The following ATP13A1 variants were observed in gnomAD, a reference collection of about 807,000 sequenced individuals.
ATP13A1 encodes endoplasmic reticulum transmembrane helix translocase.
A neutral mutation model predicts 134.8 loss-of-function variants in ATP13A1; 55 were observed. That is an observed-to-expected ratio of 0.41 (90% CI 0.33 to 0.51). The LOEUF is 0.51. ATP13A1 is among the 20% of genes least tolerant of loss of function. The pLI, the probability that ATP13A1 is intolerant of heterozygous loss-of-function variation, is 0.29. For missense variants in ATP13A1, 1,389 were observed against 1,652.8 expected (o/e 0.84, Z 2.77); for synonymous variants, 775 against 725.1 (o/e 1.07, Z -1.10).
chr19:19,645,408 C>G lies in ATP13A1; in HGVS notation c.*14G>C. On this transcript the variant is annotated 3_prime_UTR_variant, in exon 26 of 26. Coordinates refer to ENST00000357324, the MANE Select transcript of ATP13A1 (RefSeq NM_020410.3). This position sits in a 1 kb window ranked among gnomAD's most constrained non-coding sequence, Gnocchi z 4.1. ...CGGCAGCCAGGGTGGGCAGTGGGTA[C>G]CAGCACTGCCATCTCAGGAAGGCAC... is the stretch of plus-strand genomic sequence containing the variant. 1 of 1,583,722 alleles carries G rather than the reference C, an allele frequency of 6.3e-7. No individual in the cohort carries two copies. Among genetic ancestry groups the G allele is most frequent in the South Asian group, 1.1e-5 (1 of 87,162 alleles).
At position 19,655,167 on chromosome 19, in the gene ATP13A1, C is replaced by G; in HGVS notation, c.1607G>C (p.Gly536Ala). 1 of 1,614,016 alleles carries G rather than the reference C, an allele frequency of 6.2e-7. No individual in the cohort carries two copies. The highest frequency in any genetic ancestry group is 8.5e-7 in the Non-Finnish European group (1 of 1,179,900). ...KVEVCCFDKT[G>A]TLTSDSLVVR... is the part of the protein sequence containing the mutation. ...CACCAGGCTGTCACTGGTCAACGTC[C>G]CCGTCTTGTCAAAGCAGCACACCTC... is the stretch of plus-strand genomic sequence containing the variant. Residue 536 changes from glycine (G) to alanine (A), a missense_variant, in exon 12 of 26, where the codon GGG (glycine) becomes GCG (alanine). Physicochemically the swap from Gly to Ala is moderately conservative, Grantham distance 60. This residue lies in a region of ATP13A1 where 747 missense variants were observed against 956.1 expected (regional missense o/e 0.78). Transcript: ENST00000357324. This position sits in a 1 kb window ranked among gnomAD's most constrained non-coding sequence, Gnocchi z 5.7.
At position 19,647,797 on chromosome 19, in the gene ATP13A1, C is replaced by A. The variant is rs1048152737; in HGVS notation, c.2633-38G>T. The A allele has an allele frequency of 1.9e-6, 3 of 1,549,704 alleles. No individual in the cohort carries two copies. Among genetic ancestry groups the A allele is most frequent in the African/African-American group, 2.7e-5 (2 of 73,908 alleles). On this transcript the variant is annotated intron_variant, in intron 19 of 25. Coordinates refer to ENST00000357324, the MANE Select transcript of ATP13A1 (RefSeq NM_020410.3). The surrounding 1 kb of genome is among the most constrained non-coding windows in gnomAD (Gnocchi z 4.8). Reference sequence around the variant, plus strand: ...AGGGTGTCAGACCCGGAGGAGCAGGCTCCACGGAGGGGAAGATTGCTGGCT... The same window carrying A: ...AGGGTGTCAGACCCGGAGGAGCAGGATCCACGGAGGGGAAGATTGCTGGCT...
Position 19,655,001 on chromosome 19 carries a change from G to C in ATP13A1, c.1655+118C>G, listed in dbSNP as rs1326414900. 6.9e-7 allele frequency: 1 copy of C among 1,454,652 alleles called. No homozygotes were observed. Among genetic ancestry groups the C allele is most frequent in the African/African-American group, 1.4e-5 (1 of 70,936 alleles). 90.1% of individuals were successfully genotyped at this position (1,454,652 alleles called of 1,614,324 possible). On this transcript the variant is annotated intron_variant, in intron 12 of 25. Coordinates refer to ENST00000357324, the MANE Select transcript of ATP13A1 (RefSeq NM_020410.3). This position sits in a 1 kb window ranked among gnomAD's most constrained non-coding sequence, Gnocchi z 5.7. ...GTGGGGAGCCCCTGGAAATGAACCC[G>C]AGGCAGGGCCTCTGACGGGCCCTCA...
Position 19,647,565 on chromosome 19 carries a change from GA to G in ATP13A1, c.2793+33del, listed in dbSNP as rs1227097707. On this transcript the variant is annotated intron_variant, in intron 20 of 25. Transcript: ENST00000357324. The surrounding 1 kb of genome is among the most constrained non-coding windows in gnomAD (Gnocchi z 4.8). ...ACAGCAGGCTGTCAGCCCTGGCCAG[GA>G]TGGGGTGCAGCACCTCCCCTCTTGG... 6.2e-7 allele frequency: 1 copy of G among 1,612,722 alleles called. No individual in the cohort carries two copies. Among genetic ancestry groups the G allele is most frequent in the African/African-American group, 1.3e-5 (1 of 74,914 alleles).
rs1441800661 is a variant in ATP13A1 at position 19,659,777 on chromosome 19, A to C, written c.501T>G (p.Leu167=). Residue 167 remains leucine, a synonymous_variant, in exon 3 of 26, where the codon CTT becomes CTG. Coordinates refer to ENST00000357324, the MANE Select transcript of ATP13A1 (RefSeq NM_020410.3). ...TCTGGAATTCGAAGGACAGCACCTC[A>C]AGCCCGTCTTCGCCCTGCGGTAGAA... ...ALHRNEGEDG[L]EVLSFEFQKI... 1 of 1,613,750 alleles carries C rather than the reference A, an allele frequency of 6.2e-7. No homozygotes were observed. The highest frequency in any genetic ancestry group is 1.3e-5 in the African/African-American group (1 of 74,926).
intron 3 of ATP13A1, among the ~76,000 whole-genome samples, chr19:19,657,954 G>A (rs1163050220): frequency 6.6e-6 from 1 of 151,798 alleles, no homozygotes; most frequent in Non-Finnish European, 1.5e-5. Context: ...TCAGAGACTA[G>A]CCTGGGCAAC....
rs374305762 is a variant in ATP13A1 at position 19,646,310 on chromosome 19, T to C, written c.3143A>G (p.Asn1048Ser). 5.1e-5 allele frequency: 83 copies of C among 1,613,692 alleles called. No homozygotes were observed. The highest frequency in any genetic ancestry group is 1.3e-4 in the East Asian group (6 of 44,876). The change falls in exon 23 of 26, where the codon AAC becomes AGC. Residue 1048 changes from asparagine (N) to serine (S), a missense_variant. Physicochemically the swap from Asn to Ser is conservative, Grantham distance 46. Around this residue, in one of 4 missense-constraint regions of ATP13A1, gnomAD observed 228 missense variants for 321.0 expected, o/e 0.71. Coordinates refer to ENST00000357324, the MANE Select transcript of ATP13A1 (RefSeq NM_020410.3). ...KTLSRERPLP[N>S]IFNLYTILTV... ...GAGGATGGTGTACAGGTTGAAGATG[T>C]TGGGCAGGGGCCGTTCTCGGGAGAG...
intron 17 of ATP13A1, chr19:19,650,174 A>G: frequency 1.7e-6 from 1 of 587,688 alleles, no homozygotes; most frequent in Non-Finnish European, 3.0e-6. Context: ...AGCCCGGGAC[A>G]CAGCCAGATT....
chr19:19,661,796 G>A (rs1350991522), intron 1 of ATP13A1, among the ~76,000 whole-genome samples: 2 of 152,240 alleles, frequency 1.3e-5, no homozygotes, highest in Admixed American at 1.3e-4. Flanking sequence ...ATGATGACCC[G>A]CAGAAACAAA....
At chr19:19,663,049 G>T in intron 1 of ATP13A1, 1 of 739,208 alleles carries the variant, frequency 1.4e-6, no homozygotes, top group Non-Finnish European at 2.5e-6. Context: ...ACCATAACAG[G>T]GAGGACTTCA....
chr19:19,654,731 GT>G, intron 12 of ATP13A1, 31 bp from the exon 13 acceptor site: 1 of 1,588,258 alleles, frequency 6.3e-7, no homozygotes, highest in African/African-American at 1.3e-5. Flanking sequence ...TGGTTACAGA[GT>G]GCAGGCGGGT....
At position 19,663,567 on chromosome 19, in the gene ATP13A1, C is replaced by T. The variant is rs1568432084; in HGVS notation, c.100G>A (p.Ala34Thr). Reference sequence around the variant, plus strand: ...AGCGCCGGCCCGGCGGCAAGGAGCGCGCGCGGCTGCGGCCCGGGCTTGGGC... The same window carrying T: ...AGCGCCGGCCCGGCGGCAAGGAGCGTGCGCGGCTGCGGCCCGGGCTTGGGC... ...GQPKPGPQPR[A>T]LLAAGPALIA... Residue 34 changes from alanine (A) to threonine (T), a missense_variant, in exon 1 of 26, where the codon GCG becomes ACG. Ala to Thr is a moderately conservative substitution (Grantham distance 58). Around this residue, in one of 4 missense-constraint regions of ATP13A1, gnomAD observed 293 missense variants for 270.8 expected, o/e 1.08. Coordinates refer to ENST00000357324, the MANE Select transcript of ATP13A1 (RefSeq NM_020410.3). 2.7e-6 allele frequency: 4 copies of T among 1,503,602 alleles called. No individual in the cohort carries two copies. The South Asian group carries it at 5.0e-5, about 19-fold the overall frequency. The allele number at this position is 1,503,602 out of a possible 1,614,324, so 93.1% of individuals were successfully genotyped here.
chr19:19,659,834 G>C lies in ATP13A1; in HGVS notation c.487-43C>G, dbSNP rs775717364. 1.7e-5 allele frequency: 28 copies of C among 1,601,688 alleles called. 1 individual carries two copies. The South Asian group carries it at 2.9e-4, about 17-fold the overall frequency. ...TTTGCCACAGAGGCCCCTGACCTTG[G>C]GGTGTCAGCGCCTGGGAATCCTACT... On this transcript the variant is annotated intron_variant, in intron 2 of 25. Transcript: ENST00000357324.
chr19:19,657,167 G>A lies in ATP13A1; in HGVS notation c.751-18C>T. Reference sequence around the variant, plus strand: ...CAGAACACCTGTGGGATACCAGCCTGTCTGTCCTTGCCCTACCCGCCCTGT... The same window carrying A: ...CAGAACACCTGTGGGATACCAGCCTATCTGTCCTTGCCCTACCCGCCCTGT... On this transcript the variant is annotated intron_variant, in intron 4 of 25. Transcript: ENST00000357324. The A allele has an allele frequency of 1.3e-6, 2 of 1,499,030 alleles. No individual in the cohort carries two copies. Among genetic ancestry groups the A allele is most frequent in the Non-Finnish European group, 1.8e-6 (2 of 1,124,690 alleles). The allele number at this position is 1,499,030 out of a possible 1,614,324, so 92.9% of individuals were successfully genotyped here. A position where few individuals can be genotyped will look rare whatever the true frequency, so the allele number is the denominator to read the frequency against.
Position 19,655,492 on chromosome 19 carries a change from GT to G in ATP13A1, c.1396+35del, listed in dbSNP as rs1224666096. The stretch of plus-strand genomic sequence containing the variant: ...GCCTGCCAACCTGGAGCCTCGGAGG[GT>G]GGGCGCAGGGGACCACAGAGGCCGT... On this transcript the variant is annotated intron_variant, in intron 10 of 25. Coordinates refer to ENST00000357324, the MANE Select transcript of ATP13A1 (RefSeq NM_020410.3). The surrounding 1 kb of genome is among the most constrained non-coding windows in gnomAD (Gnocchi z 5.7). 1 of 1,614,008 alleles carries G rather than the reference GT, an allele frequency of 6.2e-7. No individual in the cohort carries two copies. Among genetic ancestry groups the G allele is most frequent in the South Asian group, 1.1e-5 (1 of 91,088 alleles).
intron 2 of ATP13A1, 30 bp from the exon 3 acceptor site, chr19:19,659,821 GC>G: frequency 1.2e-6 from 2 of 1,608,020 alleles, no homozygotes; most frequent in Admixed American, 1.7e-5. Flanking sequence ...TGCCACAGAG[GC>G]CCCTGACCTT....
rs771955367 is a variant in ATP13A1, at chr19:19,647,559, G to A, written c.2794-31C>T. The A allele has an allele frequency of 6.8e-6, 11 of 1,612,538 alleles. No homozygotes were observed. In the East Asian group the frequency reaches 2.2e-4, roughly 33 times the overall value. On this transcript the variant is annotated intron_variant, in intron 20 of 25. Transcript: ENST00000357324. This position sits in a 1 kb window ranked among gnomAD's most constrained non-coding sequence, Gnocchi z 4.8. ...GGGTAGACAGCAGGCTGTCAGCCCT[G>A]GCCAGGATGGGGTGCAGCACCTCCC...
chr19:19,654,949 G>A (rs1038670365), intron 12 of ATP13A1, among the ~76,000 whole-genome samples, 170 bp downstream of exon 12: 5 of 152,206 alleles, frequency 3.3e-5, no homozygotes, highest in Non-Finnish European at 5.9e-5. Flanking sequence ...CCCCCGTGCC[G>A]CTACCATGGC....
chr19:19,652,595 C>A lies in ATP13A1; in HGVS notation c.2226G>T (p.Arg742=), dbSNP rs2062031921. 6.2e-7 allele frequency: 1 copy of A among 1,607,670 alleles called. No homozygotes were observed. Among genetic ancestry groups the A allele is most frequent in the Non-Finnish European group, 8.5e-7 (1 of 1,177,464 alleles). The change falls in exon 16 of 26, where the codon CGG becomes CGT. Residue 742 remains arginine (R), a splice_region_variant and synonymous_variant. Coordinates refer to ENST00000357324, the MANE Select transcript of ATP13A1 (RefSeq NM_020410.3). ...VIREIQNASH[R]VVMITGDNPL... ...GGTGGAGCCGAGCACCGTCCCATACCCGGTGGGACGCATTCTGGATCTCCC... is the reference window on the plus strand; with the variant it reads ...GGTGGAGCCGAGCACCGTCCCATACACGGTGGGACGCATTCTGGATCTCCC...
Sources: allele counts gnomAD v4.1 joint callset (sites outside exome capture counted in the v4.1 genomes callset), GRCh38; gene constraint gnomAD v4.1.1; regional missense constraint gnomAD v4.1.1; non-coding constraint Gnocchi (gnomAD v3.1); transcripts MANE v1.5; gene names NCBI Gene and HGNC (gene_info 2026-07-23, HGNC 2026-07-21).